Variants in ZNF599 observed in about 807,000 individuals in gnomAD.
ZNF599 encodes the protein zinc finger protein 599.
ZNF599 carries 10 observed loss-of-function variants against 11.7 expected under a neutral mutation model. That is an observed-to-expected ratio of 0.86 (90% CI 0.53 to 1.45). The LOEUF (loss-of-function observed/expected upper bound fraction) is 1.45, where lower values mean the gene tolerates loss of function less well. Ranked by LOEUF, ZNF599 falls within the 40% of genes most tolerant of loss-of-function variation. The pLI, the probability that ZNF599 is intolerant of heterozygous loss-of-function variation, is 0.00. For synonymous variants in ZNF599, 232 were observed against 253.2 expected (o/e 0.92, Z 0.79); for missense variants, 688 against 713.6 (o/e 0.96, Z 0.41).
chr19:34,791,777 C>T, the ZNF599 span: 75,621 of 152,018 alleles, frequency 0.5, 19,152 homozygotes, highest in Non-Finnish European at 0.53. Context: ...AATTGATCTA[C>T]GGAGTTCAGG....
rs1444467679 is a variant in ZNF599, at chr19:34,769,103, C to T, written c.145+326G>A. 2.0e-5 allele frequency among the ~76,000 whole-genome samples: 3 copies of T among 152,352 alleles called. No individual in the cohort carries two copies. The South Asian group carries it at 6.2e-4, about 32-fold the overall frequency. ...TGCTTGTAGAACCTCCCATTATCCA[C>T]AGGTCCTGCTAACTGGGCTGTGAGG... On this transcript the variant is annotated intron_variant, in intron 2 of 3. Coordinates refer to ENST00000329285, the MANE Select transcript of ZNF599 (RefSeq NM_001007248.3).
rs533725793 is a variant in ZNF599 at position 34,765,565 on chromosome 19, G to A, written c.241+1751C>T. ...GATGGCTAATACACCTGAGAAGGCA[G>A]AAAGTGTAATCTAGATTCTGCTGGA... On this transcript the variant is annotated intron_variant, in intron 3 of 3. Transcript: ENST00000329285. The A allele has an allele frequency of 2.7e-4, 188 of 702,960 alleles. 1 individual carries two copies. In the African/African-American group the frequency reaches 2.9e-3, roughly 11 times the overall value. The allele number at this position is 702,960 out of a possible 1,614,324, so 43.5% of individuals were successfully genotyped here.
the ZNF599 span, among the ~76,000 whole-genome samples, chr19:34,803,408 G>A: frequency 6.6e-6 from 1 of 152,162 alleles, no homozygotes; most frequent in African/African-American, 2.4e-5. Context: ...CAGTATAGGA[G>A]TTTCGGAACA....
At position 34,760,295 on chromosome 19, in the gene ZNF599, T is replaced by A; in HGVS notation, c.506A>T (p.Gln169Leu). ...PDDSLGLRVL[Q>L]ERVTPQDALH... The stretch of plus-strand genomic sequence containing the variant: ...AGCATCTTGTGGAGTGACTCGTTCC[T>A]GTAAAACCCTTAAGCCCAGACTATC... Residue 169 changes from glutamine (Q) to leucine (L), a missense_variant, in exon 4 of 4, where the codon CAG (glutamine) becomes CTG (leucine). Transcript: ENST00000329285. The A allele has an allele frequency of 1.2e-6, 2 of 1,614,234 alleles. No individual in the cohort carries two copies.
Position 34,759,575 on chromosome 19 carries a change from G to A in ZNF599, c.1226C>T (p.Thr409Ile), listed in dbSNP as rs752628598. The A allele has an allele frequency of 3.1e-6, 5 of 1,613,132 alleles. No homozygotes were observed. The Admixed American group carries it at 8.3e-5, about 27-fold the overall frequency. ...ECGKAFTHRSTFIRHKRTHTG... is the reference protein window; with the variant it reads ...ECGKAFTHRSIFIRHKRTHTG... The stretch of plus-strand genomic sequence containing the variant: ...ATGGGTCCTCTTATGTCGGATGAAA[G>A]TGGAGCGATGAGTAAAGGCCTTTCC... Residue 409 changes from threonine to isoleucine, a missense_variant, in exon 4 of 4, where the codon ACT becomes ATT. Transcript: ENST00000329285.
the ZNF599 span, among the ~76,000 whole-genome samples, chr19:34,799,536 A>C: frequency 6.6e-6 from 1 of 152,224 alleles, no homozygotes; most frequent in African/African-American, 2.4e-5. Context: ...AGTCATCCAT[A>C]TGAAAGTTTT....
At chr19:34,767,672 A>G (rs2069153883) in intron 2 of ZNF599, among the ~76,000 whole-genome samples, 1 of 152,224 alleles carries the variant, frequency 6.6e-6, no homozygotes, top group Non-Finnish European at 1.5e-5. Flanking sequence ...GAGTGCTGGT[A>G]GTTTTTAAAG....
chr19:34,792,556 C>G, the ZNF599 span, among the ~76,000 whole-genome samples: 5 of 152,110 alleles, frequency 3.3e-5, no homozygotes, highest in East Asian at 7.7e-4. Flanking sequence ...TCAACAATCT[C>G]AAGACTGAAA....
At chr19:34,786,270 T>C in the ZNF599 span, among the ~76,000 whole-genome samples, 3 of 152,114 alleles carry the variant, frequency 2.0e-5, no homozygotes, top group African/African-American at 7.2e-5. Flanking sequence ...CATTTCCTCT[T>C]AGTGCTTTTC....
At chr19:34,764,945 T>C (rs1420016561) in intron 3 of ZNF599, 1 of 151,850 alleles carries the variant, frequency 6.6e-6, no homozygotes, top group Admixed American at 6.6e-5. Context: ...CTTGTGTAGA[T>C]GTCTCTTCAA....
the ZNF599 span, among the ~76,000 whole-genome samples, chr19:34,802,804 C>T: frequency 6.6e-6 from 1 of 152,138 alleles, no homozygotes; most frequent in South Asian, 2.1e-4. Context: ...AGCCGCATGT[C>T]CCCACTAAGA....
the ZNF599 span, among the ~76,000 whole-genome samples, chr19:34,795,304 C>T: frequency 5.9e-5 from 9 of 152,158 alleles, no homozygotes; most frequent in Admixed American, 1.3e-4. Flanking sequence ...GAGACAAGGT[C>T]TCACTCTGTG....
At chr19:34,766,276 AC>A (rs2069142357) in intron 3 of ZNF599, among the ~76,000 whole-genome samples, 1 of 152,180 alleles carries the variant, frequency 6.6e-6, no homozygotes, top group African/African-American at 2.4e-5. Context: ...TGTGGGACTG[AC>A]AAAGGCAATC....
At chr19:34,775,979 T>C (rs1423709089), upstream of ZNF599, among the ~76,000 whole-genome samples, 2 of 152,222 alleles carry the variant, frequency 1.3e-5, no homozygotes, top group Non-Finnish European at 2.9e-5. Context: ...TGAGTTAATA[T>C]GTTATACATT....
intron 2 of ZNF599, 81 bp from the exon 3 acceptor site, chr19:34,767,492 T>C: frequency 9.6e-7 from 1 of 1,037,036 alleles, no homozygotes; most frequent in Non-Finnish European, 1.4e-6. Flanking sequence ...AGTACATATA[T>C]TTAACATACT....
chr19:34,780,810 G>GAGAA, the ZNF599 span, among the ~76,000 whole-genome samples: 1 of 150,748 alleles, frequency 6.6e-6, no homozygotes, highest in African/African-American at 2.5e-5. Flanking sequence ...AGGAAAGAAA[G>GAGAA]AGAAAGAAAG....
In ZNF599 at chr19:34,758,660, T is replaced by G. The variant is rs566463615; in HGVS notation, c.*374A>C. On this transcript the variant is annotated 3_prime_UTR_variant, in exon 4 of 4. Transcript: ENST00000329285. ...CATCTTTTTCTTTTATCTTCTAGAT[T>G]GTTTCCTCCATCTCTCATTATTTTA... 266 of 169,896 alleles carry G rather than the reference T, an allele frequency of 1.6e-3. No individual in the cohort carries two copies. Among genetic ancestry groups the G allele is most frequent in the African/African-American group, 6.0e-3 (253 of 42,178 alleles). The allele number at this position is 169,896 out of a possible 1,614,324, so 10.5% of individuals were successfully genotyped here.
At chr19:34,762,018 C>T (rs1277117034) in intron 3 of ZNF599, among the ~76,000 whole-genome samples, 4 of 152,096 alleles carry the variant, frequency 2.6e-5, no homozygotes, top group Non-Finnish European at 5.9e-5. Context: ...CAAAGAGGGA[C>T]TTCACAAGAT....
intron 2 of ZNF599, 24 bp from the exon 3 acceptor site, chr19:34,767,435 G>A: frequency 6.3e-7 from 1 of 1,580,466 alleles, no homozygotes; most frequent in Non-Finnish European, 8.7e-7. Context: ...AACAAATGGA[G>A]TATGGTGTAC....
Sources: gnomAD v4.1 joint callset for allele counts (sites outside exome capture counted in the v4.1 genomes callset) on GRCh38, gnomAD v4.1.1 for gene constraint, MANE v1.5 for transcripts, NCBI Gene and HGNC (gene_info 2026-07-23, HGNC 2026-07-21) for gene names.